NFASC: variants seen among roughly 807,000 people sequenced by gnomAD.
NFASC encodes neurofascin homolog.
In NFASC, 43 loss-of-function variants were observed where a neutral mutation model predicts 147.5. The observed-to-expected ratio is 0.29, with a 90% CI of 0.23 to 0.38. The LOEUF (loss-of-function observed/expected upper bound fraction) is 0.38. Ranked by LOEUF, NFASC falls within the 10% of genes least tolerant of loss-of-function variation. NFASC has a pLI of 1.00. For synonymous variants in NFASC, 622 were observed against 665.5 expected, an observed-to-expected ratio of 0.93 and a Z score of 1.01; for missense variants, 1,320 against 1,689.0, an observed-to-expected ratio of 0.78 and a Z score of 3.83.
chr1:204,867,409 C>CCA (rs34586429), intron 1 of NFASC, among the ~76,000 whole-genome samples: 19,695 of 146,750 alleles, frequency 0.13, 1,944 homozygotes, highest in African/African-American at 0.29. Flanking sequence ...TCAGAACTCA[C>CCA]CACACACACA....
At chr1:204,950,484 T>C in intron 3 of NFASC, 73 bp from the exon 4 acceptor site, 1 of 1,411,390 alleles carries the variant, frequency 7.1e-7, no homozygotes, top group South Asian at 1.2e-5. Context: ...GGCGTGAGGA[T>C]GCCTGGGCGG....
intron 8 of NFASC, among the ~76,000 whole-genome samples, chr1:204,966,701 A>T (rs2094966825): frequency 1.3e-5 from 2 of 152,174 alleles, no homozygotes; most frequent in South Asian, 4.1e-4. Context: ...AAGAGAAATA[A>T]TATGGGTTAA....
chr1:204,952,127 G>T lies in NFASC; in HGVS notation c.215+11G>T. 1 of 1,597,522 alleles carries T rather than the reference G, an allele frequency of 6.3e-7. No homozygotes were observed. The highest frequency in any genetic ancestry group is 8.6e-7 in the Non-Finnish European group (1 of 1,165,126). The stretch of plus-strand genomic sequence containing the variant: ...GAACCCTGCCCCCAGGTGAGTGAAG[G>T]GGAAAAAGAGTGCATTGAAACCACC... On this transcript the variant is annotated intron_variant, in intron 5 of 29. Coordinates refer to ENST00000339876, the MANE Select transcript of NFASC (RefSeq NM_001005388.3).
intron 1 of NFASC, among the ~76,000 whole-genome samples, chr1:204,874,268 A>G (rs2078300149): frequency 6.6e-6 from 1 of 152,144 alleles, no homozygotes. Context: ...CATGGTCTCC[A>G]TGTTGCCTCC....
rs1367751375 is a variant in NFASC at position 204,870,945 on chromosome 1, G to A, written c.-200+42163G>A. 6.3e-6 allele frequency: 8 copies of A among 1,272,510 alleles called. No individual in the cohort carries two copies. In the Admixed American group the frequency reaches 7.3e-5, roughly 12 times the overall value. The allele number at this position is 1,272,510 out of a possible 1,614,324, so 78.8% of individuals were successfully genotyped here. A position where few individuals can be genotyped will look rare whatever the true frequency, so the allele number is the denominator to read the frequency against. On this transcript the variant is annotated intron_variant, in intron 1 of 29. Transcript: ENST00000339876. ...AGGATCTTGCTGGGATTTTGCTCAG[G>A]CCTAAGTCTGCCAGCTGGGATGGCC...
At chr1:204,892,062 A>C (rs1212744193) in intron 1 of NFASC, among the ~76,000 whole-genome samples, 1 of 152,230 alleles carries the variant, frequency 6.6e-6, no homozygotes, top group Non-Finnish European at 1.5e-5. Flanking sequence ...CATTTTTTTA[A>C]GTAAATGAGT....
intron 1 of NFASC, among the ~76,000 whole-genome samples, chr1:204,905,937 GT>G (rs1416924137): frequency 6.6e-6 from 1 of 152,118 alleles, no homozygotes; most frequent in African/African-American, 2.4e-5. Flanking sequence ...ACTTAGTAAT[GT>G]TTTCCAATTG....
At chr1:204,926,097 CT>C (rs751071394) in intron 2 of NFASC, among the ~76,000 whole-genome samples, 288 of 142,738 alleles carry the variant, frequency 2.0e-3, no homozygotes, top group South Asian at 3.6e-3. Context: ...AGCCCTAGGT[CT>C]TTTTTTTTTT....
In NFASC at chr1:204,973,388, C is replaced by T; in HGVS notation, c.1248C>T (p.Tyr416=). The stretch of plus-strand genomic sequence containing the variant: ...GCAACACCTCCAACGAGCATGGCTA[C>T]CTGCTGGCCAACGCCTTTGTCAGTG... ...YQCNTSNEHG[Y]LLANAFVSVL... Residue 416 remains tyrosine, a synonymous_variant, in exon 12 of 30, where the codon TAC becomes TAT. Coordinates refer to ENST00000339876, the MANE Select transcript of NFASC (RefSeq NM_001005388.3). 1.9e-6 allele frequency: 3 copies of T among 1,614,260 alleles called. No individual in the cohort carries two copies. The highest frequency in any genetic ancestry group is 2.5e-6 in the Non-Finnish European group (3 of 1,180,046).
chr1:204,830,316 A>C (rs1224152513), intron 1 of NFASC, among the ~76,000 whole-genome samples: 1 of 152,098 alleles, frequency 6.6e-6, no homozygotes, highest in Non-Finnish European at 1.5e-5. Context: ...TAGCCCAGGG[A>C]AAATGTGTGT....
At chr1:204,919,565 A>G (rs531692475) in intron 1 of NFASC, among the ~76,000 whole-genome samples, 1 of 152,196 alleles carries the variant, frequency 6.6e-6, no homozygotes, top group Non-Finnish European at 1.5e-5. Context: ...GAGTAAATGC[A>G]TACTTATTTA....
chr1:204,927,593 G>GTATACTTTTGTA (rs956475461), intron 2 of NFASC, among the ~76,000 whole-genome samples: 1 of 152,008 alleles, frequency 6.6e-6, no homozygotes, highest in African/African-American at 2.4e-5. Flanking sequence ...CTCTACAAAA[G>GTATACTTTTGTA]TATACTCTAT....
At chr1:204,962,478 A>G (rs16854815) in intron 8 of NFASC, among the ~76,000 whole-genome samples, 4,220 of 152,334 alleles carry the variant, frequency 0.028, 139 homozygotes, top group African/African-American at 0.078. Flanking sequence ...GGAATCAAGA[A>G]TGGATGAAGG....
In NFASC at chr1:204,989,016, T is replaced by A. The variant is rs11240327; in HGVS notation, c.2767+210T>A. 5,452 of 595,072 alleles carry A rather than the reference T, an allele frequency of 9.2e-3. 185 individuals carry two copies. The highest frequency in any genetic ancestry group is 0.079 in the African/African-American group (4,245 of 53,890). The allele number at this position is 595,072 out of a possible 1,614,324, so 36.9% of individuals were successfully genotyped here. A position where few individuals can be genotyped will look rare whatever the true frequency, so the allele number is the denominator to read the frequency against. Reference sequence around the variant, plus strand: ...CTCAGCTCTCCTTGGACCACTGTGGTCACACCTGGGTCCCCACTTGCCCTG... The same window carrying A: ...CTCAGCTCTCCTTGGACCACTGTGGACACACCTGGGTCCCCACTTGCCCTG... On this transcript the variant is annotated intron_variant, in intron 23 of 29. Transcript: ENST00000339876.
At position 204,979,459 on chromosome 1, in the gene NFASC, GT is replaced by G; in HGVS notation, c.2077del (p.Ser693ProfsTer42). The stretch of plus-strand genomic sequence containing the variant: ...GCGTTAACTCAGCCGTCCTCCGGCT[GT>G]CCCCGTATGTCAACTACCAGTTCCG... ...GSVNSAVLRL[S>X]PYVNYQFRVI... On this transcript the variant is annotated frameshift_variant, in exon 19 of 30. Coordinates refer to ENST00000339876, the MANE Select transcript of NFASC (RefSeq NM_001005388.3). LOFTEE classifies it high-confidence loss of function. The surrounding 1 kb of genome is among the most constrained non-coding windows in gnomAD (Gnocchi z 6.0). The G allele has an allele frequency of 6.2e-7, 1 of 1,614,004 alleles. No individual in the cohort carries two copies. The highest frequency in any genetic ancestry group is 8.5e-7 in the Non-Finnish European group (1 of 1,180,030).
chr1:205,009,328 C>G, intron 27 of NFASC: 1 of 677,310 alleles, frequency 1.5e-6, no homozygotes, highest in Non-Finnish European at 2.7e-6. Context: ...CTTATTTGCT[C>G]CTTGTACCCC....
intron 8 of NFASC, among the ~76,000 whole-genome samples, chr1:204,965,890 C>A (rs1490911340): frequency 2.0e-5 from 3 of 152,156 alleles, no homozygotes; most frequent in African/African-American, 4.8e-5. Context: ...TAGCTTGGAA[C>A]CTTGGGCAAG....
intron 1 of NFASC, among the ~76,000 whole-genome samples, chr1:204,914,382 G>A (rs542103298): frequency 5.6e-4 from 86 of 152,266 alleles, no homozygotes; most frequent in African/African-American, 2.0e-3. Flanking sequence ...GGTTTTTTAA[G>A]GGGCTTCTCC....
intron 3 of NFASC, among the ~76,000 whole-genome samples, chr1:204,948,123 C>G (rs1221543975): frequency 6.6e-6 from 1 of 152,226 alleles, no homozygotes; most frequent in African/African-American, 2.4e-5. Flanking sequence ...AGAAAAGAGG[C>G]ACACGAGTAA....
Sources: gnomAD v4.1 joint callset for allele counts (sites outside exome capture counted in the v4.1 genomes callset) on GRCh38, gnomAD v4.1.1 for gene constraint, Gnocchi (gnomAD v3.1) non-coding constraint, MANE v1.5 for transcripts, NCBI Gene and HGNC (gene_info 2026-07-23, HGNC 2026-07-21) for gene names.